GALNTL6: variants seen among roughly 807,000 people sequenced by gnomAD.
GALNTL6 encodes polypeptide N-acetylgalactosaminyltransferase-like 6.
GALNTL6 carries 46 observed loss-of-function variants against 73.7 expected under a neutral mutation model. That is an observed-to-expected ratio of 0.62 (90% CI 0.49 to 0.80). GALNTL6 has a LOEUF of 0.80. Ranked by LOEUF, GALNTL6 falls within the 30% of genes least tolerant of loss-of-function variation. The pLI is 0.00. For missense variants in GALNTL6, 604 were observed against 755.0 expected, an observed-to-expected ratio of 0.80 and a Z score of 2.34; for synonymous variants, 259 against 263.7, an observed-to-expected ratio of 0.98 and a Z score of 0.17.
At chr4:171,987,621 T>G (rs939565803) in intron 2 of GALNTL6, among the ~76,000 whole-genome samples, 26 of 150,500 alleles carry the variant, frequency 1.7e-4, no homozygotes, top group Admixed American at 1.3e-4. Context: ...CCCTGAGGAG[T>G]AGTAGAATAG....
intron 2 of GALNTL6, among the ~76,000 whole-genome samples, chr4:171,821,915 T>A (rs902355546): frequency 2.0e-5 from 3 of 152,076 alleles, no homozygotes; most frequent in African/African-American, 7.2e-5. Flanking sequence ...ATTATTTTAA[T>A]TTTTTTATTG....
chr4:172,982,331 T>A (rs1166482354), intron 10 of GALNTL6, among the ~76,000 whole-genome samples: 2 of 152,210 alleles, frequency 1.3e-5, no homozygotes, highest in Non-Finnish European at 2.9e-5. Context: ...CACACCAGAA[T>A]AAAGCCAAGG....
At chr4:172,747,829 TTC>T (rs1737194125) in intron 5 of GALNTL6, among the ~76,000 whole-genome samples, 1 of 128,126 alleles carries the variant, frequency 7.8e-6, no homozygotes, top group Admixed American at 8.0e-5. Flanking sequence ...AATTGTGCTA[TTC>T]AGCTTCAAAA....
At chr4:172,350,028 A>G (rs1741890210) in intron 5 of GALNTL6, among the ~76,000 whole-genome samples, 2 of 152,104 alleles carry the variant, frequency 1.3e-5, no homozygotes, top group South Asian at 4.1e-4. Flanking sequence ...AATTGAGGTT[A>G]CTATTTCAAA....
At chr4:172,467,556 G>A (rs1033712939) in intron 5 of GALNTL6, among the ~76,000 whole-genome samples, 1 of 152,172 alleles carries the variant, frequency 6.6e-6, no homozygotes, top group Non-Finnish European at 1.5e-5. Context: ...GAGGGGGAAA[G>A]AGAGTATGTC....
At chr4:172,016,639 T>C (rs1741204649) in intron 2 of GALNTL6, among the ~76,000 whole-genome samples, 9 of 152,088 alleles carry the variant, frequency 5.9e-5, no homozygotes, top group Admixed American at 5.2e-4. Context: ...GGGGTTGTTA[T>C]AGAACCCCAT....
intron 2 of GALNTL6, among the ~76,000 whole-genome samples, chr4:172,221,436 A>G (rs761314884): frequency 4.6e-5 from 7 of 151,770 alleles, no homozygotes; most frequent in Non-Finnish European, 8.9e-5. Flanking sequence ...TTGAATAACC[A>G]TCAACAAGGG....
intron 2 of GALNTL6, among the ~76,000 whole-genome samples, chr4:172,138,623 G>C (rs1256208696): frequency 7.4e-6 from 1 of 135,102 alleles, no homozygotes; most frequent in African/African-American, 2.8e-5. Flanking sequence ...TCCACCTCCC[G>C]GGTTCACGCC....
chr4:172,726,593 T>G (rs1735825495), intron 5 of GALNTL6, among the ~76,000 whole-genome samples: 1 of 152,184 alleles, frequency 6.6e-6, no homozygotes, highest in Admixed American at 6.5e-5. Flanking sequence ...ATAATCACAA[T>G]TATTATAAGA....
chr4:172,024,518 G>T (rs1741496883), intron 2 of GALNTL6, among the ~76,000 whole-genome samples: 1 of 151,812 alleles, frequency 6.6e-6, no homozygotes, highest in African/African-American at 2.4e-5. Context: ...AGGAGATATT[G>T]TCAATTAAAG....
At chr4:172,949,302 C>T (rs935430221) in intron 9 of GALNTL6, among the ~76,000 whole-genome samples, 1 of 152,176 alleles carries the variant, frequency 6.6e-6, no homozygotes, top group Non-Finnish European at 1.5e-5. Context: ...TCTGAAAGTG[C>T]TTACTTATCC....
At chr4:172,699,293 G>A (rs1318811121) in intron 5 of GALNTL6, among the ~76,000 whole-genome samples, 1 of 152,098 alleles carries the variant, frequency 6.6e-6, no homozygotes, top group Non-Finnish European at 1.5e-5. Flanking sequence ...GCATGGTAAT[G>A]TTTCATACCT....
chr4:172,904,837 A>G (rs1222299340), intron 8 of GALNTL6, among the ~76,000 whole-genome samples: 1 of 152,134 alleles, frequency 6.6e-6, no homozygotes, highest in Non-Finnish European at 1.5e-5. Context: ...ATGTTCCTGG[A>G]GTGAGAAGAG....
intron 7 of GALNTL6, among the ~76,000 whole-genome samples, chr4:172,832,984 C>T (rs1742718608): frequency 6.6e-6 from 1 of 152,120 alleles, no homozygotes; most frequent in African/African-American, 2.4e-5. Flanking sequence ...TATGTCACAG[C>T]CACTTCCACC....
At chr4:172,527,536 G>A (rs572261679) in intron 5 of GALNTL6, among the ~76,000 whole-genome samples, 4 of 152,296 alleles carry the variant, frequency 2.6e-5, no homozygotes, top group South Asian at 2.1e-4. Flanking sequence ...CTGTGAAATA[G>A]CCCTTCTTCC....
chr4:171,967,444 T>TG, intron 2 of GALNTL6, among the ~76,000 whole-genome samples: 1 of 101,330 alleles, frequency 9.9e-6, no homozygotes, highest in Non-Finnish European at 1.9e-5. Context: ...CTTCCCCCTA[T>TG]GGGTTTTTTT....
At chr4:172,827,732 G>A (rs769234201) in intron 7 of GALNTL6, among the ~76,000 whole-genome samples, 4 of 152,086 alleles carry the variant, frequency 2.6e-5, no homozygotes, top group African/African-American at 4.8e-5. Context: ...CCTATTCTTG[G>A]TGGTGCACTG....
At chr4:172,376,536 C>T (rs1305698540) in intron 5 of GALNTL6, among the ~76,000 whole-genome samples, 1 of 152,214 alleles carries the variant, frequency 6.6e-6, no homozygotes. Context: ...TTAGACAGCC[C>T]TTTCTCAGAA....
intron 5 of GALNTL6, among the ~76,000 whole-genome samples, chr4:172,705,762 G>GC: frequency 6.6e-6 from 1 of 151,902 alleles, no homozygotes; most frequent in Non-Finnish European, 1.5e-5. Context: ...TTGGTTGACA[G>GC]TTTTTTTTCC....
Sources: allele counts gnomAD v4.1 joint callset (sites outside exome capture counted in the v4.1 genomes callset), GRCh38; gene constraint gnomAD v4.1.1; transcripts MANE v1.5; gene names NCBI Gene and HGNC (gene_info 2026-07-23, HGNC 2026-07-21).